Variants in PIK3C2G observed in about 807,000 individuals in gnomAD.
PIK3C2G encodes phosphatidylinositol-4-phosphate 3-kinase catalytic subunit type 2 gamma, also known as phosphatidylinositol 3-kinase C2 domain-containing subunit gamma.
In PIK3C2G, 168 loss-of-function variants were observed where a neutral mutation model predicts 181.1. The observed-to-expected ratio is 0.93, with a 90% CI of 0.82 to 1.05. The LOEUF (loss-of-function observed/expected upper bound fraction) is 1.05, where lower values mean the gene tolerates loss of function less well. PIK3C2G is among the 50% of genes least tolerant of loss of function. The pLI is 0.00. For missense variants in PIK3C2G, 1,869 were observed against 1,732.8 expected (o/e 1.08, Z -1.40); for synonymous variants, 573 against 592.2 (o/e 0.97, Z 0.47).
chr12:18,446,799 A>C (rs1947053917), intron 18 of PIK3C2G, among the ~76,000 whole-genome samples: 1 of 152,156 alleles, frequency 6.6e-6, no homozygotes, highest in South Asian at 2.1e-4. Context: ...CTTTATTCAA[A>C]ATGAAGGGCA....
the PIK3C2G span, among the ~76,000 whole-genome samples, chr12:18,678,148 T>C: frequency 3.9e-5 from 6 of 152,204 alleles, no homozygotes; most frequent in South Asian, 1.2e-3. Flanking sequence ...CTCCTATTCA[T>C]TCAATTCTGT....
intron 24 of PIK3C2G, among the ~76,000 whole-genome samples, chr12:18,514,032 G>A (rs570141819): frequency 5.3e-5 from 8 of 151,766 alleles, no homozygotes; most frequent in African/African-American, 1.7e-4. Flanking sequence ...CATGCAATAT[G>A]CTTTAGTCTG....
chr12:18,382,440 T>C (rs1224321495), intron 14 of PIK3C2G, among the ~76,000 whole-genome samples: 2 of 152,178 alleles, frequency 1.3e-5, no homozygotes, highest in Non-Finnish European at 2.9e-5. Flanking sequence ...CAGCTCCTTA[T>C]GGGTTCCTGA....
At chr12:18,343,403 A>G (rs1453111295) in intron 10 of PIK3C2G, 43 bp downstream of exon 10, 1 of 1,052,880 alleles carries the variant, frequency 9.5e-7, no homozygotes, top group East Asian at 2.7e-5. Context: ...TAAAGAAAAA[A>G]ATAAGTTACA....
chr12:18,565,884 C>T (rs1945609279), intron 28 of PIK3C2G, among the ~76,000 whole-genome samples: 6 of 152,112 alleles, frequency 3.9e-5, no homozygotes, highest in Admixed American at 3.9e-4. Flanking sequence ...TCTCATTTAT[C>T]AAATTCATTT....
intron 16 of PIK3C2G, among the ~76,000 whole-genome samples, chr12:18,414,020 A>T (rs1444027419): frequency 6.6e-6 from 1 of 152,158 alleles, no homozygotes; most frequent in African/African-American, 2.4e-5. Context: ...TTTGTGGAAC[A>T]TATTTGTCCA....
chr12:18,303,779 T>G (rs3925033), intron 5 of PIK3C2G, among the ~76,000 whole-genome samples: 80,301 of 152,014 alleles, frequency 0.53, 21,698 homozygotes, highest in East Asian at 0.75. Context: ...TAGTAAACCA[T>G]AAATGCCTCC....
At chr12:18,653,193 C>CA (rs1217055625), downstream of PIK3C2G, among the ~76,000 whole-genome samples, 10 of 152,112 alleles carry the variant, frequency 6.6e-5, no homozygotes, top group Non-Finnish European at 5.9e-5. Flanking sequence ...CCAGCATTGG[C>CA]AGCATGGTTT....
At chr12:18,314,789 A>G (rs1452306689) in intron 6 of PIK3C2G, among the ~76,000 whole-genome samples, 1 of 152,230 alleles carries the variant, frequency 6.6e-6, no homozygotes, top group Admixed American at 6.5e-5. Context: ...AGTAAATGAA[A>G]TAGAAAATGT....
downstream of PIK3C2G, among the ~76,000 whole-genome samples, chr12:18,651,229 T>C (rs1950501742): frequency 6.6e-6 from 1 of 152,008 alleles, no homozygotes; most frequent in African/African-American, 2.4e-5. Context: ...TCCCAAAATG[T>C]GCCTTTGTGC....
chr12:18,661,243 G>A, the PIK3C2G span, among the ~76,000 whole-genome samples: 1 of 152,040 alleles, frequency 6.6e-6, no homozygotes, highest in Non-Finnish European at 1.5e-5. Context: ...TGAAGAAATA[G>A]TACCCCAAAT....
At chr12:18,477,605 G>A (rs2136004394) in intron 18 of PIK3C2G, among the ~76,000 whole-genome samples, 1 of 152,284 alleles carries the variant, frequency 6.6e-6, no homozygotes, top group South Asian at 2.1e-4. Flanking sequence ...GGGATTAAAT[G>A]GTCCCAGCCA....
the PIK3C2G span, among the ~76,000 whole-genome samples, chr12:18,678,864 A>G: frequency 7.9e-5 from 12 of 152,048 alleles, no homozygotes; most frequent in Admixed American, 6.6e-4. Context: ...ATCTAGGACC[A>G]AAAAGCTTGA....
chr12:18,644,644 C>A (rs1045511789), intron 32 of PIK3C2G, among the ~76,000 whole-genome samples: 1 of 152,108 alleles, frequency 6.6e-6, no homozygotes, highest in Non-Finnish European at 1.5e-5. Flanking sequence ...AATATTATTG[C>A]AATTTCAACA....
the PIK3C2G span, among the ~76,000 whole-genome samples, chr12:18,655,663 A>T: frequency 6.6e-6 from 1 of 152,058 alleles, no homozygotes; most frequent in Non-Finnish European, 1.5e-5. Context: ...TCGTGTTGGC[A>T]GTATGTACCC....
At chr12:18,325,907 C>T (rs1951326862) in intron 8 of PIK3C2G, among the ~76,000 whole-genome samples, 1 of 152,040 alleles carries the variant, frequency 6.6e-6, no homozygotes, top group Non-Finnish European at 1.5e-5. Context: ...TGATGTTCTA[C>T]TTTGTCAGCT....
the PIK3C2G span, among the ~76,000 whole-genome samples, chr12:18,656,849 T>C: frequency 6.6e-6 from 1 of 152,154 alleles, no homozygotes; most frequent in Non-Finnish European, 1.5e-5. Context: ...AACAACAAAA[T>C]GAATGCTTAA....
the PIK3C2G span, among the ~76,000 whole-genome samples, chr12:18,655,703 A>T: frequency 6.6e-6 from 1 of 151,340 alleles, no homozygotes; most frequent in African/African-American, 2.4e-5. Context: ...GTGGCACTTT[A>T]CCTCTGAGGT....
At chr12:18,569,569 A>G (rs549488352) in intron 29 of PIK3C2G, among the ~76,000 whole-genome samples, 1 of 152,310 alleles carries the variant, frequency 6.6e-6, no homozygotes, top group South Asian at 2.1e-4. Flanking sequence ...TGGGGCTATT[A>G]CAAACCATAC....
Sources: allele counts gnomAD v4.1 joint callset (sites outside exome capture counted in the v4.1 genomes callset), GRCh38; gene constraint gnomAD v4.1.1; transcripts MANE v1.5; gene names NCBI Gene and HGNC (gene_info 2026-07-23, HGNC 2026-07-21).